The following MUC4 variants were observed in gnomAD, a reference collection of about 807,000 sequenced individuals.
MUC4 encodes the protein mucin-4.
In MUC4, 202 loss-of-function variants were observed where a neutral mutation model predicts 257.9. The ratio of observed to expected loss-of-function variants is 0.78; its 90% CI spans 0.70 to 0.88. The LOEUF is 0.88. MUC4 is among the 40% of genes least tolerant of loss of function. MUC4 has a pLI of 0.00. For missense variants in MUC4, 5,976 were observed against 6,513.7 expected, an observed-to-expected ratio of 0.92 and a Z score of 2.84; for synonymous variants, 2,351 against 2,757.1, an observed-to-expected ratio of 0.85 and a Z score of 4.62.
intron 1 of MUC4, among the ~76,000 whole-genome samples, chr3:195,799,996 G>A (rs1301822653): frequency 1.3e-5 from 2 of 152,128 alleles, no homozygotes; most frequent in Admixed American, 6.5e-5. Context: ...ACTGAAAATC[G>A]GCCAGGTGCG....
chr3:195,786,554 C>T lies in MUC4; in HGVS notation c.5026G>A (p.Gly1676Ser), dbSNP rs755675805. 27 of 1,499,992 alleles carry T rather than the reference C, an allele frequency of 1.8e-5. No homozygotes were observed. The highest frequency in any genetic ancestry group is 2.1e-5 in the Non-Finnish European group (24 of 1,123,738). The allele number at this position is 1,499,992 out of a possible 1,614,324, so 92.9% of individuals were successfully genotyped here. Residue 1676 changes from glycine (G) to serine (S), a missense_variant, in exon 2 of 25, where the codon GGT becomes AGT. This residue lies in a region of MUC4 where 61 missense variants were observed against 100.2 expected (regional missense o/e 0.61). Transcript: ENST00000463781. ...GTGACAGGAAGAGGGGTGGCGTGAC[C>T]GGTGGATGCTGAGGAAGTGCTGGTG... ...PVTSTSSAST[G>S]HATPLPVTGL... is the part of the protein sequence containing the mutation.
intron 7 of MUC4, among the ~76,000 whole-genome samples, chr3:195,767,721 CCA>C (rs1560264015): frequency 2.4e-4 from 11 of 45,174 alleles, no homozygotes; most frequent in Admixed American, 7.3e-4. Flanking sequence ...TCGGCCACCA[CCA>C]CCATCACCAC....
chr3:195,754,479 ATG>A, intron 18 of MUC4, 107 bp from the exon 19 acceptor site: 1 of 1,378,898 alleles, frequency 7.3e-7, no homozygotes, highest in Non-Finnish European at 9.7e-7. Context: ...ACCCTGAGTC[ATG>A]TCTCAGCCCC....
At chr3:195,799,076 G>C (rs1475807643) in intron 1 of MUC4, among the ~76,000 whole-genome samples, 1 of 152,156 alleles carries the variant, frequency 6.6e-6, no homozygotes, top group African/African-American at 2.4e-5. Context: ...TCTCTCTCCT[G>C]TACCACATCC....
intron 7 of MUC4, among the ~76,000 whole-genome samples, chr3:195,767,736 CCAT>C (rs1318750892): frequency 2.1e-4 from 4 of 19,016 alleles, no homozygotes; most frequent in East Asian, 1.5e-3. Context: ...ATCACCACCA[CCAT>C]CACCATCGCC....
At chr3:195,747,982 C>G (rs1715430880) in intron 24 of MUC4, among the ~76,000 whole-genome samples, 2 of 151,792 alleles carry the variant, frequency 1.3e-5, no homozygotes, top group Non-Finnish European at 2.9e-5. Context: ...AGCCCGGCCC[C>G]GCCCCGCCCC....
In MUC4 at chr3:195,770,281, C is replaced by T. The variant is rs1261506710; in HGVS notation, c.13333G>A (p.Ala4445Thr). ...CACGTGACCTTTAGGGCCCACCTGG[C>T]CTTGTAGCCCCCGTTGTTTGTCATC... The part of the protein sequence containing the change: ...RKMTNNGGYK[A>T]RWALKVTWVN... The change falls in exon 6 of 25, where the codon GCC becomes ACC. Residue 4445 changes from alanine (A) to threonine (T), a missense_variant. Physicochemically the swap from Ala to Thr is moderately conservative, Grantham distance 58. Transcript: ENST00000463781. 1.9e-6 allele frequency: 3 copies of T among 1,614,046 alleles called. No individual in the cohort carries two copies. In the Admixed American group the frequency reaches 5.0e-5, roughly 27 times the overall value.
At chr3:195,771,082 C>T (rs75729761) in intron 5 of MUC4, among the ~76,000 whole-genome samples, 3,829 of 62,224 alleles carry the variant, frequency 0.062, 25 homozygotes, top group Middle Eastern at 0.12. Flanking sequence ...GTCTCGTGGC[C>T]GGGTTGGGGT....
intron 18 of MUC4, among the ~76,000 whole-genome samples, chr3:195,754,906 TGTGTGTC>T (rs2148770922): frequency 2.3e-5 from 1 of 43,600 alleles, no homozygotes; most frequent in East Asian, 5.9e-4. Flanking sequence ...TGTATGTATG[TGTGTGTC>T]ATGCATGTAT....
Position 195,769,035 on chromosome 3 carries a change from T to G in MUC4, c.13516A>C (p.Met4506Leu). 6.2e-7 allele frequency: 1 copy of G among 1,613,566 alleles called. No individual in the cohort carries two copies. The highest frequency in any genetic ancestry group is 1.1e-5 in the South Asian group (1 of 91,068). The change falls in exon 7 of 25, where the codon ATG becomes CTG. Residue 4506 changes from methionine (M) to leucine (L), a missense_variant. By Grantham distance (15) the Met-to-Leu change is conservative. Coordinates refer to ENST00000463781, the MANE Select transcript of MUC4 (RefSeq NM_018406.7). ...CTCCCATCCTACCTAGAGAAGCCCA[T>G]GAGCACCGGGTTGCCTGAGCGCTGG... Reference protein sequence around the residue: ...VAQRSGNPVLMGFSSGDGYFE... With the variant: ...VAQRSGNPVLLGFSSGDGYFE...
intron 19 of MUC4, 47 bp from the exon 20 acceptor site, chr3:195,753,277 G>A (rs375497633): frequency 2.2e-5 from 35 of 1,585,804 alleles, no homozygotes; most frequent in African/African-American, 2.7e-5. Context: ...GGGCAGCAGA[G>A]GGACGGCCCA....
intron 4 of MUC4, 72 bp downstream of exon 4, chr3:195,774,100 G>A (rs961899490): frequency 5.6e-5 from 83 of 1,479,018 alleles, no homozygotes; most frequent in Admixed American, 2.5e-5. Context: ...CTTCCTCTGG[G>A]TTCCGTCTCG....
chr3:195,773,086 G>C (rs1298399190), intron 4 of MUC4, among the ~76,000 whole-genome samples: 1 of 117,300 alleles, frequency 8.5e-6, no homozygotes, highest in Admixed American at 9.5e-5. Flanking sequence ...TCTATCGTTC[G>C]GGGTGTAGAC....
intron 3 of MUC4, among the ~76,000 whole-genome samples, chr3:195,774,813 T>C (rs1047599861): frequency 6.6e-6 from 1 of 151,026 alleles, no homozygotes; most frequent in Non-Finnish European, 1.5e-5. Flanking sequence ...GGCAGGAGAA[T>C]TGCTTGAACC....
In MUC4 at chr3:195,759,132, T is replaced by TC. The variant is rs1359219621; in HGVS notation, c.14977dup (p.Glu4993GlyfsTer4). 1 of 1,613,576 alleles carries TC rather than the reference T, an allele frequency of 6.2e-7. No homozygotes were observed. Among genetic ancestry groups the TC allele is most frequent in the Non-Finnish European group, 8.5e-7 (1 of 1,179,806 alleles). ...CAGCCAAATAGTCCTACCAAAGAGC[T>TC]CCAAGTCGGTGCAGCTGTCTCTGAG... On this transcript the variant is annotated frameshift_variant, in exon 17 of 25. Coordinates refer to ENST00000463781, the MANE Select transcript of MUC4 (RefSeq NM_018406.7). LOFTEE classifies it high-confidence loss of function.
chr3:195,746,903 T>TGC lies in MUC4; in HGVS notation c.*272_*273insGC. ...ATGAACTCGTGTGTGTGTGTGTGTG[T>TGC]GTGCACGCGCGCGTGCACAGGCTAG... On this transcript the variant is annotated 3_prime_UTR_variant, in exon 25 of 25. Coordinates refer to ENST00000463781, the MANE Select transcript of MUC4 (RefSeq NM_018406.7). 1.8e-6 allele frequency: 1 copy of TGC among 544,072 alleles called. No individual in the cohort carries two copies. Among genetic ancestry groups the TGC allele is most frequent in the South Asian group, 2.5e-5 (1 of 40,106 alleles). The allele number at this position is 544,072 out of a possible 1,614,324, so 33.7% of individuals were successfully genotyped here. A position where few individuals can be genotyped will look rare whatever the true frequency, so the allele number is the denominator to read the frequency against.
rs761211049 is a variant in MUC4 at position 195,782,370 on chromosome 3, G to A, written c.9210C>T (p.Ala3070=). 1 of 1,434,250 alleles carries A rather than the reference G, an allele frequency of 7.0e-7. No homozygotes were observed. Among genetic ancestry groups the A allele is most frequent in the South Asian group, 1.3e-5 (1 of 78,714 alleles). 88.8% of individuals were successfully genotyped at this position (1,434,250 alleles called of 1,614,324 possible). A position where few individuals can be genotyped will look rare whatever the true frequency, so the allele number is the denominator to read the frequency against. The part of the protein sequence containing the change: ...TSPSSASTGH[A]TPLPVTDTSS... ...AAGTGTCGGTGACAGGAAGCGGGGT[G>A]GCGTGACCGGTGGATGCTGAGGAAG... is the stretch of plus-strand genomic sequence containing the variant. Residue 3070 remains alanine, a synonymous_variant, in exon 2 of 25, where the codon GCC becomes GCT. Transcript: ENST00000463781.
intron 7 of MUC4, among the ~76,000 whole-genome samples, chr3:195,767,844 C>T (rs949015311): frequency 2.1e-4 from 27 of 127,866 alleles, no homozygotes; most frequent in South Asian, 9.3e-4. Context: ...ACCACCACCA[C>T]CATCGCCACC....
Position 195,788,799 on chromosome 3 carries a change from C to G in MUC4, c.2781G>C (p.Gln927His), listed in dbSNP as rs574264151. 3 of 1,613,906 alleles carry G rather than the reference C, an allele frequency of 1.9e-6. No individual in the cohort carries two copies. The highest frequency in any genetic ancestry group is 1.3e-5 in the African/African-American group (1 of 75,014). The change falls in exon 2 of 25, where the codon CAG (glutamine) becomes CAC (histidine). Residue 927 changes from glutamine to histidine, a missense_variant. Around this residue, in one of 44 missense-constraint regions of MUC4, gnomAD observed 1,583 missense variants for 1,257.4 expected, o/e 1.26. Coordinates refer to ENST00000463781, the MANE Select transcript of MUC4 (RefSeq NM_018406.7). Reference protein sequence around the residue: ...RGSDTISLASQATDTFSTVPP... With the variant: ...RGSDTISLASHATDTFSTVPP... ...GGACTGTTGAGAAGGTGTCGGTTGC[C>G]TGGGACGCCAGGCTGATAGTGTCAG...
Sources: allele counts gnomAD v4.1 joint callset (sites outside exome capture counted in the v4.1 genomes callset), GRCh38; gene constraint gnomAD v4.1.1; regional missense constraint gnomAD v4.1.1; transcripts MANE v1.5; gene names NCBI Gene and HGNC (gene_info 2026-07-23, HGNC 2026-07-21).